Variants in COL25A1 observed in about 807,000 individuals in gnomAD.
COL25A1 encodes the protein collagen alpha-1(XXV) chain.
A neutral mutation model predicts 128.4 loss-of-function variants in COL25A1; 103 were observed. The ratio of observed to expected loss-of-function variants is 0.80; its 90% CI spans 0.68 to 0.94. The LOEUF (loss-of-function observed/expected upper bound fraction) is 0.94, where lower values mean the gene tolerates loss of function less well. Among genes scored for constraint, COL25A1 ranks in the 40% least tolerant of loss-of-function variants. COL25A1 has a pLI of 0.00. For missense variants in COL25A1, 745 were observed against 840.0 expected (o/e 0.89, Z 1.40); for synonymous variants, 279 against 277.2 (o/e 1.01, Z -0.06).
At chr4:108,815,705 AT>A (rs1414950515) in intron 37 of COL25A1, among the ~76,000 whole-genome samples, 1 of 152,206 alleles carries the variant, frequency 6.6e-6, no homozygotes, top group Admixed American at 6.5e-5. Context: ...AGTAATATGA[AT>A]TTCATGAACC....
intron 6 of COL25A1, among the ~76,000 whole-genome samples, chr4:108,996,364 C>G (rs1358483255): frequency 6.7e-6 from 1 of 149,288 alleles, no homozygotes. Flanking sequence ...CAACAAAGAT[C>G]AAAAGAGACA....
chr4:108,882,513 TTTC>T (rs1352751750), intron 19 of COL25A1, among the ~76,000 whole-genome samples: 1 of 152,204 alleles, frequency 6.6e-6, no homozygotes, highest in African/African-American at 2.4e-5. Context: ...TGAGTATCAC[TTTC>T]TTATCACTTT....
chr4:109,166,191 G>C (rs1329711986), intron 3 of COL25A1, among the ~76,000 whole-genome samples: 1 of 152,106 alleles, frequency 6.6e-6, no homozygotes, highest in Non-Finnish European at 1.5e-5. Context: ...CTTATAAGAT[G>C]AGCTAAAGGT....
At chr4:109,291,802 T>C (rs1394020585) in intron 3 of COL25A1, among the ~76,000 whole-genome samples, 1 of 152,044 alleles carries the variant, frequency 6.6e-6, no homozygotes, top group African/African-American at 2.4e-5. Context: ...AGAAAAAGGA[T>C]GAAGTGAGAT....
intron 5 of COL25A1, among the ~76,000 whole-genome samples, chr4:109,035,594 CTTTTTAAGGATAT>C (rs1269589104): frequency 6.6e-6 from 1 of 152,080 alleles, no homozygotes; most frequent in Non-Finnish European, 1.5e-5. Context: ...AAATTTCCTA[CTTTTTAAGGATAT>C]TTTTTAATGA....
chr4:109,285,393 CTT>C (rs1275095956), intron 3 of COL25A1, among the ~76,000 whole-genome samples: 2 of 152,182 alleles, frequency 1.3e-5, no homozygotes, highest in African/African-American at 2.4e-5. Context: ...AATTCAATGA[CTT>C]ATGTCACCAA....
intron 3 of COL25A1, among the ~76,000 whole-genome samples, chr4:109,166,607 G>A (rs936610227): frequency 6.6e-6 from 1 of 152,170 alleles, no homozygotes; most frequent in Non-Finnish European, 1.5e-5. Flanking sequence ...AAATAGTTGT[G>A]AAATGGGATT....
chr4:109,252,749 A>G (rs1780749367), intron 3 of COL25A1, among the ~76,000 whole-genome samples: 1 of 152,192 alleles, frequency 6.6e-6, no homozygotes, highest in African/African-American at 2.4e-5. Flanking sequence ...AAAGTTTACA[A>G]CCAGGTGCAC....
rs1730737347 is a variant in COL25A1 at position 108,810,824 on chromosome 4, A to G, written c.*3103T>C. 1 of 152,066 alleles carries G rather than the reference A, an allele frequency of 6.6e-6. No homozygotes were observed. Among genetic ancestry groups the G allele is most frequent in the Admixed American group, 6.5e-5 (1 of 15,270 alleles). The allele number at this position is 152,066 out of a possible 1,614,324, so 9.4% of individuals were successfully genotyped here. ...AGCAAATTCATGAACTTTAAAAATA[A>G]AATAACACACTAATGATTTAGGAAT... On this transcript the variant is annotated 3_prime_UTR_variant, in exon 38 of 38. Coordinates refer to ENST00000399132, the MANE Select transcript of COL25A1 (RefSeq NM_198721.4).
intron 3 of COL25A1, among the ~76,000 whole-genome samples, chr4:109,218,356 G>GGTTTTTTTTTTTTTTT (rs1778163819): frequency 2.0e-5 from 2 of 100,470 alleles, no homozygotes; most frequent in East Asian, 3.4e-4. Context: ...GGTTTTTTGG[G>GGTTTTTTTTTTTTTTT]GTTTTTTTTT....
intron 3 of COL25A1, among the ~76,000 whole-genome samples, chr4:109,183,264 C>T (rs976638157): frequency 4.5e-4 from 68 of 152,142 alleles, no homozygotes; most frequent in African/African-American, 1.4e-3. Flanking sequence ...TGATGCTTTG[C>T]TCCCATACCC....
At chr4:108,816,655 T>C (rs1333747317) in intron 37 of COL25A1, among the ~76,000 whole-genome samples, 4 of 152,166 alleles carry the variant, frequency 2.6e-5, no homozygotes, top group African/African-American at 9.6e-5. Flanking sequence ...CTAGTTGTGA[T>C]ACATACTAGT....
At chr4:109,019,158 A>C (rs1757467746) in intron 5 of COL25A1, among the ~76,000 whole-genome samples, 1 of 151,912 alleles carries the variant, frequency 6.6e-6, no homozygotes, top group Admixed American at 6.6e-5. Context: ...AGGCAGAAAA[A>C]CATGAAAAAG....
intron 8 of COL25A1, among the ~76,000 whole-genome samples, chr4:108,949,508 C>T (rs1749150416): frequency 6.6e-6 from 1 of 151,734 alleles, no homozygotes; most frequent in Admixed American, 6.6e-5. Context: ...TGTCAACCAT[C>T]TTAACCAGCA....
intron 3 of COL25A1, among the ~76,000 whole-genome samples, chr4:109,124,045 AT>A (rs377289562): frequency 5.3e-4 from 80 of 152,250 alleles, no homozygotes; most frequent in African/African-American, 1.5e-3. Context: ...ACAAAAAAAT[AT>A]TTCACAAAAT....
At chr4:109,035,658 G>C (rs879189350) in intron 5 of COL25A1, among the ~76,000 whole-genome samples, 15 of 152,018 alleles carry the variant, frequency 9.9e-5, no homozygotes, top group Admixed American at 2.6e-4. Context: ...AATAGGAAGA[G>C]GTTTCCCAAT....
intron 8 of COL25A1, among the ~76,000 whole-genome samples, chr4:108,960,910 T>C (rs2125967319): frequency 6.7e-6 from 1 of 149,858 alleles, no homozygotes; most frequent in African/African-American, 2.4e-5. Flanking sequence ...ATATTAAGAA[T>C]GATTTCCTTG....
At chr4:109,278,586 C>T (rs1302209682) in intron 3 of COL25A1, among the ~76,000 whole-genome samples, 4 of 152,114 alleles carry the variant, frequency 2.6e-5, no homozygotes, top group Non-Finnish European at 5.9e-5. Context: ...ATTTACAATA[C>T]AATACACTGA....
chr4:108,906,900 T>C (rs1298776539), intron 13 of COL25A1, among the ~76,000 whole-genome samples: 2 of 152,152 alleles, frequency 1.3e-5, no homozygotes, highest in Non-Finnish European at 2.9e-5. Context: ...GCATTAAGCC[T>C]ACATGAAGAT....
Sources: gnomAD v4.1 joint callset for allele counts (sites outside exome capture counted in the v4.1 genomes callset) on GRCh38, gnomAD v4.1.1 for gene constraint, MANE v1.5 for transcripts, NCBI Gene and HGNC (gene_info 2026-07-23, HGNC 2026-07-21) for gene names.